NSMCE2: variants seen among roughly 807,000 people sequenced by gnomAD.
The protein encoded by NSMCE2 is NSE2 SUMO ligase component of SMC5/6 complex, also known as E3 SUMO-protein ligase NSE2.
In NSMCE2, 24 loss-of-function variants were observed where a neutral mutation model predicts 23.8. The observed-to-expected ratio is 1.01, with a 90% CI of 0.73 to 1.42. NSMCE2 has a LOEUF of 1.42. Ranked by LOEUF, NSMCE2 falls within the 40% of genes most tolerant of loss-of-function variation. The pLI is 0.00. For missense variants in NSMCE2, 284 were observed against 296.5 expected (o/e 0.96, Z 0.31); for synonymous variants, 92 against 94.1 (o/e 0.98, Z 0.13).
intron 5 of NSMCE2, among the ~76,000 whole-genome samples, chr8:125,183,481 A>G (rs1822930909): frequency 6.6e-6 from 1 of 152,234 alleles, no homozygotes; most frequent in Non-Finnish European, 1.5e-5. Context: ...ATGATTAATA[A>G]TTTCCCAAAG....
intron 5 of NSMCE2, among the ~76,000 whole-genome samples, chr8:125,329,072 A>G (rs1829780136): frequency 6.6e-6 from 1 of 152,186 alleles, no homozygotes; most frequent in Non-Finnish European, 1.5e-5. Context: ...TAAGATGTGG[A>G]GAAAACCACC....
chr8:125,286,206 G>C (rs1384463015), intron 5 of NSMCE2, among the ~76,000 whole-genome samples: 1 of 152,086 alleles, frequency 6.6e-6, no homozygotes, highest in Non-Finnish European at 1.5e-5. Flanking sequence ...ATTTTCCTTT[G>C]TGTTGATATG....
intron 5 of NSMCE2, among the ~76,000 whole-genome samples, chr8:125,194,170 GGTTCTGCACAATCAGTT>G (rs1405803138): frequency 6.6e-6 from 1 of 152,108 alleles, no homozygotes; most frequent in Non-Finnish European, 1.5e-5. Flanking sequence ...TTACGGATGA[GGTTCTGCACAATCAGTT>G]GTCCTGCACA....
At chr8:125,364,442 T>G (rs1198097451) in intron 7 of NSMCE2, among the ~76,000 whole-genome samples, 1 of 152,218 alleles carries the variant, frequency 6.6e-6, no homozygotes, top group Non-Finnish European at 1.5e-5. Flanking sequence ...GTTTGCATCT[T>G]TACTGTGGTT....
intron 5 of NSMCE2, among the ~76,000 whole-genome samples, chr8:125,331,375 G>T (rs1352582876): frequency 3.3e-5 from 5 of 152,192 alleles, no homozygotes; most frequent in African/African-American, 1.2e-4. Flanking sequence ...TTAGATGTCT[G>T]TGACTGTTTC....
intron 5 of NSMCE2, among the ~76,000 whole-genome samples, chr8:125,240,439 A>G (rs564553442): frequency 2.0e-5 from 3 of 152,288 alleles, no homozygotes; most frequent in African/African-American, 7.2e-5. Context: ...TTTCAGAATT[A>G]CATTACTGTC....
At chr8:125,165,153 G>A (rs1414348859) in intron 4 of NSMCE2, among the ~76,000 whole-genome samples, 3 of 152,178 alleles carry the variant, frequency 2.0e-5, no homozygotes, top group Admixed American at 6.5e-5. Flanking sequence ...ATAAACCTTC[G>A]ATTTCCTTAT....
At chr8:125,291,722 C>T (rs1452554830) in intron 5 of NSMCE2, among the ~76,000 whole-genome samples, 1 of 152,086 alleles carries the variant, frequency 6.6e-6, no homozygotes, top group African/African-American at 2.4e-5. Flanking sequence ...ATTTTTGTTG[C>T]CAGTATCTAA....
At chr8:125,246,175 TTTTTTC>T (rs1006955914) in intron 5 of NSMCE2, among the ~76,000 whole-genome samples, 2 of 152,080 alleles carry the variant, frequency 1.3e-5, no homozygotes, top group East Asian at 1.9e-4. Flanking sequence ...GAATCTTTTC[TTTTTTC>T]TTTTTCTTTT....
chr8:125,139,550 G>A (rs1462017467), intron 3 of NSMCE2, among the ~76,000 whole-genome samples: 1 of 152,184 alleles, frequency 6.6e-6, no homozygotes, highest in East Asian at 1.9e-4. Context: ...GCAGAGTCAT[G>A]TCTTGCATGG....
In NSMCE2 at chr8:125,355,178, C is replaced by G. The variant is rs544230994; in HGVS notation, c.419-2041C>G. 1.2e-3 allele frequency among the ~76,000 whole-genome samples: 190 copies of G among 152,322 alleles called. 2 individuals carry two copies. Among genetic ancestry groups the G allele is most frequent in the African/African-American group, 4.4e-3 (184 of 41,574 alleles). On this transcript the variant is annotated intron_variant, in intron 5 of 7. Transcript: ENST00000287437. ...GTGCCTTTGCAAACAAACACCTCAT[C>G]TGGCCTAGGTGATGGCCCACAGTCA...
chr8:125,174,834 A>G lies in NSMCE2; in HGVS notation c.265-7269A>G, dbSNP rs141056901. ...GTATTCTCTCTTAAGTGTTTTGTCA[A>G]AAGTCAAAACCATGCTAAATAATGG... On this transcript the variant is annotated intron_variant, in intron 4 of 7. Coordinates refer to ENST00000287437, the MANE Select transcript of NSMCE2 (RefSeq NM_173685.4). 4.2e-3 allele frequency among the ~76,000 whole-genome samples: 645 copies of G among 152,336 alleles called. 3 individuals are homozygous for G. Among genetic ancestry groups the G allele is most frequent in the Non-Finnish European group, 6.8e-3 (461 of 68,016 alleles).
At chr8:125,302,529 G>T (rs1828606317) in intron 5 of NSMCE2, among the ~76,000 whole-genome samples, 1 of 152,110 alleles carries the variant, frequency 6.6e-6, no homozygotes, top group South Asian at 2.1e-4. Context: ...GTTAATATGG[G>T]GTGAGAATTG....
At chr8:125,094,287 T>C (rs1464957816) in intron 1 of NSMCE2, among the ~76,000 whole-genome samples, 1 of 152,078 alleles carries the variant, frequency 6.6e-6, no homozygotes, top group Non-Finnish European at 1.5e-5. Flanking sequence ...GTGGAGTGAC[T>C]ATAATTATAA....
chr8:125,290,055 A>C (rs1432858332), intron 5 of NSMCE2, among the ~76,000 whole-genome samples: 3 of 152,226 alleles, frequency 2.0e-5, no homozygotes, highest in Non-Finnish European at 4.4e-5. Context: ...CTGTATTACA[A>C]AATCACTAGT....
rs190513084 is a variant in NSMCE2 at position 125,101,664 on chromosome 8, A to C, written c.-110-387A>C. 1.8e-4 allele frequency among the ~76,000 whole-genome samples: 28 copies of C among 152,322 alleles called. No homozygotes were observed. The East Asian group carries it at 3.5e-3, about 19-fold the overall frequency. ...TTACATTGCTTTACTAAGCTGAAAC[A>C]AATTGTGGTTGAAGATATAGATTAG... On this transcript the variant is annotated intron_variant, in intron 1 of 7. Coordinates refer to ENST00000287437, the MANE Select transcript of NSMCE2 (RefSeq NM_173685.4).
At chr8:125,234,791 C>A (rs1482288753) in intron 5 of NSMCE2, among the ~76,000 whole-genome samples, 1 of 152,132 alleles carries the variant, frequency 6.6e-6, no homozygotes, top group African/African-American at 2.4e-5. Context: ...CTTTAGCCAG[C>A]TTCCTTATGG....
chr8:125,124,244 T>G (rs1484931364), intron 3 of NSMCE2: 5 of 152,214 alleles, frequency 3.3e-5, no homozygotes, highest in African/African-American at 1.2e-4. Context: ...TTTTTATAGC[T>G]GAATAATATT....
intron 3 of NSMCE2, among the ~76,000 whole-genome samples, chr8:125,147,011 T>C (rs1320551783): frequency 6.6e-6 from 1 of 152,332 alleles, no homozygotes; most frequent in Non-Finnish European, 1.5e-5. Flanking sequence ...ACAGCTATTA[T>C]ATATACATAT....
Sources: gnomAD v4.1 joint callset for allele counts (sites outside exome capture counted in the v4.1 genomes callset) on GRCh38, gnomAD v4.1.1 for gene constraint, MANE v1.5 for transcripts, NCBI Gene and HGNC (gene_info 2026-07-23, HGNC 2026-07-21) for gene names.